The following SDF4 variants were observed in gnomAD, a reference collection of about 807,000 sequenced individuals.
The protein encoded by SDF4 is 45 kDa calcium-binding protein.
A neutral mutation model predicts 34.2 loss-of-function variants in SDF4; 22 were observed. The observed-to-expected ratio is 0.64, with a 90% confidence interval of 0.46 to 0.92. The LOEUF is 0.92. Ranked by LOEUF, SDF4 falls within the 40% of genes least tolerant of loss-of-function variation. The probability of loss-of-function intolerance (pLI) is 0.00; values close to 1 mark genes in which losing one functional copy is unlikely to be tolerated. For synonymous variants in SDF4, 236 were observed against 203.1 expected (o/e 1.16, Z -1.38); for missense variants, 447 against 499.9 (o/e 0.89, Z 1.01).
At chr1:1,222,009 A>G (rs186591795) in intron 4 of SDF4, among the ~76,000 whole-genome samples, 68 of 152,320 alleles carry the variant, frequency 4.5e-4, no homozygotes, top group Middle Eastern at 6.8e-3. Context: ...TGTGTTACTG[A>G]TAAGTTAAGC....
intron 1 of SDF4, 146 bp from the exon 2 acceptor site, chr1:1,229,092 C>T: frequency 2.3e-6 from 1 of 433,212 alleles, no homozygotes; most frequent in Admixed American, 4.0e-5. Context: ...GCACTGCCTT[C>T]TCCAGACCAC....
chr1:1,230,912 C>T (rs1638471965), intron 1 of SDF4, among the ~76,000 whole-genome samples: 1 of 152,234 alleles, frequency 6.6e-6, no homozygotes, highest in Non-Finnish European at 1.5e-5. Context: ...TCGTAAAACA[C>T]ACGCTGTGTG....
At chr1:1,230,004 C>T (rs900275649) in intron 1 of SDF4, among the ~76,000 whole-genome samples, 5 of 152,256 alleles carry the variant, frequency 3.3e-5, no homozygotes, top group South Asian at 2.1e-4. Flanking sequence ...TCTGTCCTGC[C>T]GTCCGAGGCG....
At position 1,217,475 on chromosome 1, in the gene SDF4, TGGTGCGTGGGGGGC is replaced by T; in HGVS notation, c.*23_*36del. On this transcript the variant is annotated 3_prime_UTR_variant, in exon 7 of 7. Coordinates refer to ENST00000360001, the MANE Select transcript of SDF4 (RefSeq NM_016176.6). This position sits in a 1 kb window ranked among gnomAD's most constrained non-coding sequence, Gnocchi z 8.5. ...GGAGTCACCCGCGAGGCCGCCCCGG[TGGTGCGTGGGGGGC>T]GGCGCGGGGCGCGGCCGGGCGCTCA... 1 of 1,434,418 alleles carries T rather than the reference TGGTGCGTGGGGGGC, an allele frequency of 7.0e-7. No individual in the cohort carries two copies. The highest frequency in any genetic ancestry group is 9.2e-7 in the Non-Finnish European group (1 of 1,092,044). 88.9% of individuals were successfully genotyped at this position (1,434,418 alleles called of 1,614,324 possible). A position where few individuals can be genotyped will look rare whatever the true frequency, so the allele number is the denominator to read the frequency against.
In SDF4 at chr1:1,217,444, G is replaced by A. The variant is rs1557512218; in HGVS notation, c.*68C>T. ...AGAGGTGGGGTCCGGGACAGCCACG[G>A]AGCCCGGAGTCACCCGCGAGGCCGC... On this transcript the variant is annotated 3_prime_UTR_variant, in exon 7 of 7. Transcript: ENST00000360001. This position sits in a 1 kb window ranked among gnomAD's most constrained non-coding sequence, Gnocchi z 8.5. 1.8e-5 allele frequency: 24 copies of A among 1,306,654 alleles called. No homozygotes were observed. In the South Asian group the frequency reaches 3.8e-4, roughly 21 times the overall value. The allele number at this position is 1,306,654 out of a possible 1,614,324, so 80.9% of individuals were successfully genotyped here.
At position 1,217,510 on chromosome 1, in the gene SDF4, G is replaced by A. The variant is rs766890202; in HGVS notation, c.*2C>T. On this transcript the variant is annotated 3_prime_UTR_variant, in exon 7 of 7. Transcript: ENST00000360001. This position sits in a 1 kb window ranked among gnomAD's most constrained non-coding sequence, Gnocchi z 8.5. ...GGGGCGGCGCGGGGCGCGGCCGGGC[G>A]CTCAAAACTCCTCGTGCACGCTGCG... 2.1e-5 allele frequency: 33 copies of A among 1,582,348 alleles called. No homozygotes were observed. Among genetic ancestry groups the A allele is most frequent in the Admixed American group, 1.9e-4 (11 of 56,490 alleles).
intron 1 of SDF4, among the ~76,000 whole-genome samples, chr1:1,230,013 C>T (rs1222237670): frequency 1.3e-5 from 2 of 152,266 alleles, no homozygotes; most frequent in Non-Finnish European, 2.9e-5. Flanking sequence ...CCGTCCGAGG[C>T]GTGGCCAGTC....
intron 3 of SDF4, 123 bp downstream of exon 3, chr1:1,223,708 CG>C: frequency 1.0e-6 from 1 of 952,462 alleles, no homozygotes; most frequent in Non-Finnish European, 1.6e-6. Flanking sequence ...TCGGGGTCTC[CG>C]GCTGACACTT....
At chr1:1,230,236 G>C (rs12409096) in intron 1 of SDF4, among the ~76,000 whole-genome samples, 1 of 152,212 alleles carries the variant, frequency 6.6e-6, no homozygotes, top group African/African-American at 2.4e-5. Context: ...GTCTTATTCA[G>C]CTTCACTGTT....
chr1:1,223,259 T>C lies in SDF4; in HGVS notation c.541A>G (p.Lys181Glu), dbSNP rs1311960435. The change falls in exon 4 of 7, where the codon AAA becomes GAA. Residue 181 changes from lysine to glutamate, a missense_variant. Coordinates refer to ENST00000360001, the MANE Select transcript of SDF4 (RefSeq NM_016176.6). ...ADAIRLNEEL[K>E]VDEETQEVLE... ...GAGCACTCACTTTCCTCATCCACTTTGAGTTCCTCGTTGAGCCTGATGGCG... is the reference window on the plus strand; with the variant it reads ...GAGCACTCACTTTCCTCATCCACTTCGAGTTCCTCGTTGAGCCTGATGGCG... The C allele has an allele frequency of 4.3e-6, 7 of 1,613,674 alleles. No homozygotes were observed. Among genetic ancestry groups the C allele is most frequent in the African/African-American group, 4.0e-5 (3 of 74,950 alleles).
intron 2 of SDF4, among the ~76,000 whole-genome samples, chr1:1,226,423 T>A (rs1638310515): frequency 6.6e-6 from 1 of 151,748 alleles, no homozygotes. Context: ...AGAAAACACA[T>A]CCCACAAGCC....
At chr1:1,229,331 G>A (rs904031965) in intron 1 of SDF4, among the ~76,000 whole-genome samples, 7 of 152,106 alleles carry the variant, frequency 4.6e-5, no homozygotes, top group South Asian at 2.1e-4. Context: ...CTCAGCCACC[G>A]GAGCAGCTGC....
At chr1:1,224,063 C>A in intron 2 of SDF4, 95 bp from the exon 3 acceptor site, 1 of 1,556,662 alleles carries the variant, frequency 6.4e-7, no homozygotes, top group African/African-American at 1.4e-5. Context: ...TCCATGGCTG[C>A]GTGAACCTGC....
intron 4 of SDF4, chr1:1,221,499 T>C (rs1208668112): frequency 1.3e-5 from 2 of 152,146 alleles, no homozygotes; most frequent in Non-Finnish European, 2.9e-5. Flanking sequence ...TATGGGCCGT[T>C]CCTGGCAGGA....
Position 1,217,364 on chromosome 1 carries a change from G to T in SDF4, c.*148C>A. 1 of 565,632 alleles carries T rather than the reference G, an allele frequency of 1.8e-6. No individual in the cohort carries two copies. Among genetic ancestry groups the T allele is most frequent in the African/African-American group, 2.0e-5 (1 of 48,882 alleles). The allele number at this position is 565,632 out of a possible 1,614,324, so 35.0% of individuals were successfully genotyped here. A position where few individuals can be genotyped will look rare whatever the true frequency, so the allele number is the denominator to read the frequency against. On this transcript the variant is annotated 3_prime_UTR_variant, in exon 7 of 7. Coordinates refer to ENST00000360001, the MANE Select transcript of SDF4 (RefSeq NM_016176.6). This position sits in a 1 kb window ranked among gnomAD's most constrained non-coding sequence, Gnocchi z 8.5. ...GGGGTGCGCGCTGCAGAGGGGACAC[G>T]CCGCTCATCAACTGGGGCAGCCGCG...
At chr1:1,226,649 G>A (rs952569408) in intron 2 of SDF4, among the ~76,000 whole-genome samples, 2 of 152,194 alleles carry the variant, frequency 1.3e-5, no homozygotes, top group East Asian at 1.9e-4. Context: ...CACCCACAGC[G>A]GCCGCTGTCG....
rs1177807341 is a variant in SDF4, at chr1:1,228,400, C to G, written c.305+68G>C. 1.2e-5 allele frequency: 18 copies of G among 1,485,674 alleles called. No individual in the cohort carries two copies. The East Asian group carries it at 3.9e-4, about 32-fold the overall frequency. The allele number at this position is 1,485,674 out of a possible 1,614,324, so 92.0% of individuals were successfully genotyped here. Reference sequence around the variant, plus strand: ...GCCCGGCGCCCCCCACCGCGCAAAGCCAGGATAGGAACACACAGGCGAGCG... The same window carrying G: ...GCCCGGCGCCCCCCACCGCGCAAAGGCAGGATAGGAACACACAGGCGAGCG... On this transcript the variant is annotated intron_variant, in intron 2 of 6. Coordinates refer to ENST00000360001, the MANE Select transcript of SDF4 (RefSeq NM_016176.6).
chr1:1,221,315 A>C (rs1416833511), intron 4 of SDF4: 1 of 156,882 alleles, frequency 6.4e-6, no homozygotes, highest in Non-Finnish European at 1.4e-5. Context: ...GGACGGGGGG[A>C]GGCCGAGCGG....
rs1387764183 is a variant in SDF4, at chr1:1,223,368, A to C, written c.443-11T>G. The stretch of plus-strand genomic sequence containing the variant: ...CCCAAGACACGTGACCTGGAAGAGC[A>C]GATCACACCTGTCAGGGCCTCTGAT... On this transcript the variant is annotated splice_polypyrimidine_tract_variant and intron_variant, in intron 3 of 6. Coordinates refer to ENST00000360001, the MANE Select transcript of SDF4 (RefSeq NM_016176.6). The C allele has an allele frequency of 4.4e-6, 7 of 1,576,840 alleles. No individual in the cohort carries two copies. Among genetic ancestry groups the C allele is most frequent in the Non-Finnish European group, 5.2e-6 (6 of 1,149,650 alleles).
Sources: gnomAD v4.1 joint callset for allele counts (sites outside exome capture counted in the v4.1 genomes callset) on GRCh38, gnomAD v4.1.1 for gene constraint, Gnocchi (gnomAD v3.1) non-coding constraint, MANE v1.5 for transcripts, NCBI Gene and HGNC (gene_info 2026-07-23, HGNC 2026-07-21) for gene names.